Variants in MLKL observed in about 807,000 individuals in gnomAD.
The protein encoded by MLKL is mixed lineage kinase domain-like protein.
A neutral mutation model predicts 56.5 loss-of-function variants in MLKL; 55 were observed. The observed-to-expected ratio is 0.97, with a 90% CI of 0.78 to 1.22. MLKL has a LOEUF of 1.22. Ranked by LOEUF, MLKL falls within the 50% of genes most tolerant of loss-of-function variation. MLKL has a pLI of 0.00. For missense variants in MLKL, 694 were observed against 573.9 expected, an observed-to-expected ratio of 1.21 and a Z score of -2.14; for synonymous variants, 251 against 208.3, an observed-to-expected ratio of 1.20 and a Z score of -1.76.
Position 74,674,963 on chromosome 16 carries a change from C to A in MLKL, c.1378G>T (p.Asp460Tyr), listed in dbSNP as rs2144442010. 6.2e-7 allele frequency: 1 copy of A among 1,613,548 alleles called. No homozygotes were observed. Among genetic ancestry groups the A allele is most frequent in the East Asian group, 2.2e-5 (1 of 44,880 alleles). Residue 460 changes from aspartate (D) to tyrosine (Y), a missense_variant, in exon 10 of 11, where the codon GAT becomes TAT. Asp to Tyr is a radical substitution (Grantham distance 160). Coordinates refer to ENST00000308807, the MANE Select transcript of MLKL (RefSeq NM_152649.4). ...AHDPSVRPSVDEILKKLSTFS... is the reference protein window; with the variant it reads ...AHDPSVRPSVYEILKKLSTFS... ...TTTACACCAGAAAGAACCCTACCAT[C>A]CACAGAGGGCCGCACAGAGGGATCA...
chr16:74,682,591 G>C, intron 6 of MLKL, 60 bp downstream of exon 6: 1 of 1,593,744 alleles, frequency 6.3e-7, no homozygotes, highest in South Asian at 1.1e-5. Flanking sequence ...ATCTCTGGGA[G>C]TATCAGGAGT....
Position 74,685,495 on chromosome 16 carries a change from C to A in MLKL, c.811G>T (p.Asp271Tyr), listed in dbSNP as rs771880061. The A allele has an allele frequency of 2.5e-6, 4 of 1,613,446 alleles. No homozygotes were observed. In the Admixed American group the frequency reaches 6.7e-5, roughly 27 times the overall value. ...TAGAAGCATTCCTTACCTGTTTCAT[C>A]AATGCAAATCCCAAATATACGCAGG... ...NILRIFGICI[D>Y]ETVTPPQFSI... The change falls in exon 5 of 11, where the codon GAT becomes TAT. Residue 271 changes from aspartate (D) to tyrosine (Y), a missense_variant. By Grantham distance (160) the Asp-to-Tyr change is radical. Transcript: ENST00000308807.
chr16:74,691,326 C>T lies in MLKL; in HGVS notation c.673G>A (p.Ala225Thr). 1.2e-6 allele frequency: 2 copies of T among 1,613,202 alleles called. No homozygotes were observed. The highest frequency in any genetic ancestry group is 1.1e-5 in the South Asian group (1 of 90,956). The change falls in exon 4 of 11, where the codon GCT (alanine) becomes ACT (threonine). Residue 225 changes from alanine (A) to threonine (T), a missense_variant. Coordinates refer to ENST00000308807, the MANE Select transcript of MLKL (RefSeq NM_152649.4). Reference sequence around the variant, plus strand: ...TTGAATACTTTTATGGCCACTGGAGCTCTGTGGTATTCTCCTTTATAAAGT... The same window carrying T: ...TTGAATACTTTTATGGCCACTGGAGTTCTGTGGTATTCTCCTTTATAAAGT... ...STLYKGEYHR[A>T]PVAIKVFKKL...
chr16:74,699,096 G>A (rs1961226036), intron 1 of MLKL, among the ~76,000 whole-genome samples: 1 of 151,960 alleles, frequency 6.6e-6, no homozygotes, highest in Admixed American at 6.6e-5. Context: ...CTGGGCAACA[G>A]AGCAAAACTC....
intron 1 of MLKL, among the ~76,000 whole-genome samples, chr16:74,697,466 C>T (rs1487860610): frequency 1.3e-5 from 2 of 152,166 alleles, no homozygotes; most frequent in African/African-American, 2.4e-5. Context: ...ATAATTATGA[C>T]ACTAGATCTC....
intron 7 of MLKL, chr16:74,676,293 G>A (rs1032054681): frequency 5.1e-6 from 5 of 986,626 alleles, no homozygotes; most frequent in Non-Finnish European, 6.0e-6. Flanking sequence ...CCAGGCCTGC[G>A]CGGTCACCTG....
chr16:74,676,272 G>T, intron 7 of MLKL: 1 of 989,508 alleles, frequency 1.0e-6, no homozygotes. Context: ...TGACGAGTGT[G>T]AGTCATCCCC....
Position 74,682,674 on chromosome 16 carries a change from C to A in MLKL, c.933G>T (p.Leu311=). 1 of 1,614,134 alleles carries A rather than the reference C, an allele frequency of 6.2e-7. No individual in the cohort carries two copies. Among genetic ancestry groups the A allele is most frequent in the South Asian group, 1.1e-5 (1 of 91,082 alleles). ...ACCGGTATAGGCCTCGGGCTGCCCC[C>A]AGGACTAGGACCATGCGCTTGCCAA... ...LTLGKRMVLV[L]GAARGLYRLH... is the part of the protein sequence containing the mutation. The change falls in exon 6 of 11, where the codon CTG becomes CTT. Residue 311 remains leucine, a synonymous_variant. Coordinates refer to ENST00000308807, the MANE Select transcript of MLKL (RefSeq NM_152649.4).
intron 9 of MLKL, 103 bp downstream of exon 9, chr16:74,675,252 A>T: frequency 1.9e-6 from 3 of 1,582,754 alleles, no homozygotes; most frequent in East Asian, 2.2e-5. Flanking sequence ...CAGTTCCCAC[A>T]TTAAACAACA....
chr16:74,682,464 G>A (rs966369721), intron 6 of MLKL, among the ~76,000 whole-genome samples, 187 bp downstream of exon 6: 2 of 152,068 alleles, frequency 1.3e-5, no homozygotes. Flanking sequence ...CGTCAGTTCT[G>A]GGAGCTGGTG....
chr16:74,676,020 G>C, intron 7 of MLKL: 1 of 472,820 alleles, frequency 2.1e-6, no homozygotes, highest in Non-Finnish European at 3.7e-6. Context: ...GATTACTTGA[G>C]ATAATGGTTA....
intron 10 of MLKL, 147 bp downstream of exon 10, chr16:74,674,813 C>A: frequency 1.0e-6 from 1 of 1,003,540 alleles, no homozygotes; most frequent in Non-Finnish European, 1.5e-6. Context: ...TTATGACAAA[C>A]AACAATGTTT....
chr16:74,685,484 AC>A lies in MLKL; in HGVS notation c.820+1del. On this transcript the variant is annotated splice_donor_variant, in intron 5 of 10. Coordinates refer to ENST00000308807, the MANE Select transcript of MLKL (RefSeq NM_152649.4). LOFTEE classifies it high-confidence loss of function. Reference sequence around the variant, plus strand: ...TTGACCAATCCTAGAAGCATTCCTTACCTGTTTCATCAATGCAAATCCCAAA... The same window carrying A: ...TTGACCAATCCTAGAAGCATTCCTTACTGTTTCATCAATGCAAATCCCAAA... The A allele has an allele frequency of 6.2e-7, 1 of 1,611,948 alleles. No homozygotes were observed. The highest frequency in any genetic ancestry group is 8.5e-7 in the Non-Finnish European group (1 of 1,178,080).
At position 74,700,474 on chromosome 16, in the gene MLKL, T is replaced by G. The variant is rs1413342576; in HGVS notation, c.-24A>C. On this transcript the variant is annotated 5_prime_UTR_variant, in exon 1 of 11. Coordinates refer to ENST00000308807, the MANE Select transcript of MLKL (RefSeq NM_152649.4). The stretch of plus-strand genomic sequence containing the variant: ...TCACCTTCGCGCCTCCCGAGGGGTG[T>G]GCGTCCAATCTGTCCCGTGCACAGT... 6.6e-6 allele frequency: 1 copy of G among 152,356 alleles called. No individual in the cohort carries two copies. The highest frequency in any genetic ancestry group is 1.5e-5 in the Non-Finnish European group (1 of 68,198). 9.4% of individuals were successfully genotyped at this position (152,356 alleles called of 1,614,324 possible). A position where few individuals can be genotyped will look rare whatever the true frequency, so the allele number is the denominator to read the frequency against.
At chr16:74,689,654 A>T (rs985617894) in intron 4 of MLKL, among the ~76,000 whole-genome samples, 2 of 152,232 alleles carry the variant, frequency 1.3e-5, no homozygotes, top group Admixed American at 6.5e-5. Context: ...GTCATATGAA[A>T]AAAACAGTAA....
chr16:74,692,423 G>GA lies in MLKL; in HGVS notation c.461-8dup, dbSNP rs778715931. 1.1e-5 allele frequency: 17 copies of GA among 1,604,088 alleles called. No individual in the cohort carries two copies. Among genetic ancestry groups the GA allele is most frequent in the Non-Finnish European group, 1.4e-5 (16 of 1,176,346 alleles). On this transcript the variant is annotated splice_region_variant and splice_polypyrimidine_tract_variant and intron_variant, in intron 2 of 10. Coordinates refer to ENST00000308807, the MANE Select transcript of MLKL (RefSeq NM_152649.4). ...GCTTCTATTTTTTCATTATCTGCAG[G>GA]AAAAAAGGGCAGTATATGCTCAAAA...
intron 6 of MLKL, among the ~76,000 whole-genome samples, chr16:74,680,248 G>A (rs1277778579): frequency 6.6e-6 from 1 of 152,168 alleles, no homozygotes; most frequent in Non-Finnish European, 1.5e-5. Flanking sequence ...GAGGTCATTT[G>A]GAGGGGATAT....
chr16:74,678,475 T>C (rs977358130), intron 7 of MLKL: 4 of 167,454 alleles, frequency 2.4e-5, no homozygotes, highest in Non-Finnish European at 3.9e-5. Flanking sequence ...AAAACTAAAA[T>C]TGAACTCAGT....
intron 7 of MLKL, chr16:74,675,998 G>T: frequency 1.2e-5 from 6 of 515,408 alleles, no homozygotes; most frequent in Non-Finnish European, 2.0e-5. Flanking sequence ...AAAATGGGGC[G>T]ATGACAGGGG....
Sources: allele counts gnomAD v4.1 joint callset (sites outside exome capture counted in the v4.1 genomes callset), GRCh38; gene constraint gnomAD v4.1.1; transcripts MANE v1.5; gene names NCBI Gene and HGNC (gene_info 2026-07-23, HGNC 2026-07-21).